The following CCDC141 variants were observed in gnomAD, a reference collection of about 807,000 sequenced individuals.
CCDC141 encodes coiled-coil domain containing 141.
A neutral mutation model predicts 181.0 loss-of-function variants in CCDC141; 168 were observed. The ratio of observed to expected loss-of-function variants is 0.93; its 90% CI spans 0.82 to 1.05. The LOEUF is 1.05. CCDC141 is among the 50% of genes least tolerant of loss of function. CCDC141 has a pLI of 0.00. For synonymous variants in CCDC141, 666 were observed against 642.3 expected, an observed-to-expected ratio of 1.04 and a Z score of -0.56; for missense variants, 1,902 against 1,788.5, an observed-to-expected ratio of 1.06 and a Z score of -1.14.
At chr2:178,917,140 G>C (rs138944270) in intron 7 of CCDC141, among the ~76,000 whole-genome samples, 1 of 152,268 alleles carries the variant, frequency 6.6e-6, no homozygotes, top group East Asian at 1.9e-4. Context: ...CAATATGTTT[G>C]ATAATGGTTT....
chr2:179,024,175 G>A (rs756704339), intron 2 of CCDC141, among the ~76,000 whole-genome samples: 24 of 152,134 alleles, frequency 1.6e-4, no homozygotes, highest in Non-Finnish European at 2.6e-4. Context: ...TTATTCATCC[G>A]TTCCACCATG....
intron 2 of CCDC141, among the ~76,000 whole-genome samples, chr2:178,981,807 G>T (rs1259689146): frequency 6.7e-6 from 1 of 148,808 alleles, no homozygotes; most frequent in Non-Finnish European, 1.5e-5. Flanking sequence ...ATTAGAGGAG[G>T]AATCAATAAA....
chr2:179,048,965 G>A (rs1035291220), intron 1 of CCDC141, among the ~76,000 whole-genome samples: 4 of 152,170 alleles, frequency 2.6e-5, no homozygotes, highest in African/African-American at 9.7e-5. Context: ...TAAACCTGGT[G>A]GGGACCTGAA....
intron 5 of CCDC141, among the ~76,000 whole-genome samples, chr2:178,947,721 G>T (rs1346890309): frequency 6.6e-6 from 1 of 152,162 alleles, no homozygotes; most frequent in Admixed American, 6.6e-5. Context: ...AAAACAAAGA[G>T]CTGCCTTGAA....
At chr2:179,038,891 G>A (rs1323601348) in intron 2 of CCDC141, among the ~76,000 whole-genome samples, 1 of 152,150 alleles carries the variant, frequency 6.6e-6, no homozygotes, top group East Asian at 1.9e-4. Flanking sequence ...AATTCCCCTA[G>A]ACAATAGCAA....
At chr2:178,901,565 G>C (rs1353794899) in intron 8 of CCDC141, among the ~76,000 whole-genome samples, 1 of 152,094 alleles carries the variant, frequency 6.6e-6, no homozygotes, top group African/African-American at 2.4e-5. Flanking sequence ...AAACCTTCAT[G>C]CTAAAAATTC....
chr2:178,985,611 G>A (rs6753860), intron 2 of CCDC141, among the ~76,000 whole-genome samples: 1,676 of 150,814 alleles, frequency 0.011, 7 homozygotes, highest in African/African-American at 0.039. Context: ...TCAAATAGAT[G>A]CAATAAAAAA....
At chr2:178,866,941 G>A (rs1685881864) in intron 16 of CCDC141, among the ~76,000 whole-genome samples, 2 of 152,196 alleles carry the variant, frequency 1.3e-5, no homozygotes, top group African/African-American at 2.4e-5. Context: ...GGCCAGGCTG[G>A]ACTTGAACTT....
rs770849745 is a variant in CCDC141 at position 178,837,401 on chromosome 2, G to A, written c.3818C>T (p.Ala1273Val). 14 of 1,613,928 alleles carry A rather than the reference G, an allele frequency of 8.7e-6. No individual in the cohort carries two copies. The highest frequency in any genetic ancestry group is 3.3e-5 in the Admixed American group (2 of 59,984). The change falls in exon 23 of 24, where the codon GCG becomes GTG. Residue 1273 changes from alanine (A) to valine (V), a missense_variant. Physicochemically the swap from Ala to Val is moderately conservative, Grantham distance 64. Coordinates refer to ENST00000443758, the MANE Select transcript of CCDC141 (RefSeq NM_173648.4). ...TTCTCTCTTATCATTGCATGCATCC[G>A]CAAAGGCAACAGGTGGTGGAAGAAC... ...ESVLPPPVAF[A>V]DACNDKRETF...
rs1219312134 is a variant in CCDC141 at position 178,831,088 on chromosome 2, G to T, written c.*3085C>A. On this transcript the variant is annotated 3_prime_UTR_variant, in exon 24 of 24. Transcript: ENST00000443758. The stretch of plus-strand genomic sequence containing the variant: ...TGTGTCTTGATTATGAGTGATAGAG[G>T]TTACCATTATTGATTAATATAGCTA... 6.6e-6 allele frequency: 1 copy of T among 151,780 alleles called. No homozygotes were observed. Among genetic ancestry groups the T allele is most frequent in the African/African-American group, 2.4e-5 (1 of 41,260 alleles). 9.4% of individuals were successfully genotyped at this position (151,780 alleles called of 1,614,324 possible). A position where few individuals can be genotyped will look rare whatever the true frequency, so the allele number is the denominator to read the frequency against.
intron 8 of CCDC141, among the ~76,000 whole-genome samples, chr2:178,904,303 T>C (rs1371703348): frequency 6.6e-6 from 1 of 152,212 alleles, no homozygotes; most frequent in Admixed American, 6.5e-5. Context: ...ATCTTAGTTG[T>C]GCATGTAGCA....
intron 2 of CCDC141, among the ~76,000 whole-genome samples, chr2:179,003,862 A>AT (rs2042051057): frequency 6.6e-6 from 1 of 151,448 alleles, no homozygotes; most frequent in Admixed American, 6.6e-5. Context: ...TTTTAAAATA[A>AT]TTGCTTTTTT....
intron 12 of CCDC141, chr2:178,873,577 T>C (rs376116208): frequency 1.3e-5 from 2 of 152,202 alleles, no homozygotes; most frequent in South Asian, 2.1e-4. Context: ...ATCAGAAGGA[T>C]ATGGTGGTCT....
At chr2:179,015,419 A>ATC (rs1447132561) in intron 2 of CCDC141, among the ~76,000 whole-genome samples, 1 of 141,048 alleles carries the variant, frequency 7.1e-6, no homozygotes. Context: ...TGTACCATAT[A>ATC]TCTCATATAT....
intron 5 of CCDC141, among the ~76,000 whole-genome samples, chr2:178,948,268 TA>T (rs1204756953): frequency 6.6e-6 from 1 of 152,194 alleles, no homozygotes; most frequent in African/African-American, 2.4e-5. Context: ...CGGGTTAATT[TA>T]AAAATATTAT....
Position 179,026,732 on chromosome 2 carries a change from AT to A in CCDC141, c.225+20551del, listed in dbSNP as rs901623243. Among the ~76,000 whole-genome samples the A allele has an allele frequency of 8.9e-4, 135 of 152,336 alleles. 1 individual carries two copies. The highest frequency in any genetic ancestry group is 2.9e-3 in the African/African-American group (122 of 41,582). Reference sequence around the variant, plus strand: ...AGCCACAGACGCACAATGCCAGCTCATGAAAGCAGCCAGGAGGGAGGCTGAA... The same window carrying A: ...AGCCACAGACGCACAATGCCAGCTCAGAAAGCAGCCAGGAGGGAGGCTGAA... On this transcript the variant is annotated intron_variant, in intron 2 of 23. Coordinates refer to ENST00000443758, the MANE Select transcript of CCDC141 (RefSeq NM_173648.4).
the CCDC141 span, among the ~76,000 whole-genome samples, chr2:178,819,287 T>C: frequency 6.6e-6 from 1 of 152,188 alleles, no homozygotes; most frequent in South Asian, 2.1e-4. Flanking sequence ...ATTTGATACA[T>C]TTAATTGAAC....
At chr2:179,005,929 C>T (rs1377057458) in intron 2 of CCDC141, among the ~76,000 whole-genome samples, 1 of 152,136 alleles carries the variant, frequency 6.6e-6, no homozygotes, top group Non-Finnish European at 1.5e-5. Flanking sequence ...TTTCTTAATA[C>T]AAGATACATC....
intron 6 of CCDC141, among the ~76,000 whole-genome samples, chr2:178,920,446 G>C (rs1407948375): frequency 6.6e-6 from 1 of 152,142 alleles, no homozygotes; most frequent in Non-Finnish European, 1.5e-5. Context: ...AAAATGGCTT[G>C]TGTGGTGGCT....
Sources: gnomAD v4.1 joint callset for allele counts (sites outside exome capture counted in the v4.1 genomes callset) on GRCh38, gnomAD v4.1.1 for gene constraint, MANE v1.5 for transcripts, NCBI Gene and HGNC (gene_info 2026-07-23, HGNC 2026-07-21) for gene names.